The following SNTG1 variants were observed in gnomAD, a reference collection of about 807,000 sequenced individuals.
The protein encoded by SNTG1 is syntrophin gamma 1, also known as gamma-1-syntrophin.
SNTG1 carries 39 observed loss-of-function variants against 74.7 expected under a neutral mutation model. That is an observed-to-expected ratio of 0.52 (90% CI 0.40 to 0.68). The LOEUF (loss-of-function observed/expected upper bound fraction) is 0.68, where lower values mean the gene tolerates loss of function less well. Among genes scored for constraint, SNTG1 ranks in the 30% least tolerant of loss-of-function variants. SNTG1 has a pLI of 0.00. For missense variants in SNTG1, 685 were observed against 609.5 expected (o/e 1.12, Z -1.30); for synonymous variants, 254 against 217.1 (o/e 1.17, Z -1.49).
intron 12 of SNTG1, 120 bp from the exon 13 acceptor site, chr8:50,590,759 C>A: frequency 1.8e-6 from 1 of 551,818 alleles, no homozygotes; most frequent in Non-Finnish European, 3.1e-6. Context: ...ATGATTTCAG[C>A]ATATCAAAAT....
intron 17 of SNTG1, among the ~76,000 whole-genome samples, chr8:50,739,354 C>A (rs1213045103): frequency 1.3e-5 from 2 of 151,974 alleles, no homozygotes; most frequent in East Asian, 3.9e-4. Flanking sequence ...AGATCAAAAC[C>A]ACAATGAGAC....
intron 1 of SNTG1, among the ~76,000 whole-genome samples, chr8:50,168,893 A>T (rs955468096): frequency 6.6e-6 from 1 of 152,212 alleles, no homozygotes; most frequent in Non-Finnish European, 1.5e-5. Flanking sequence ...GATTATGAAA[A>T]GCAGGAAACT....
intron 1 of SNTG1, among the ~76,000 whole-genome samples, chr8:50,029,852 G>A (rs1301257562): frequency 6.6e-6 from 1 of 151,826 alleles, no homozygotes; most frequent in East Asian, 1.9e-4. Flanking sequence ...TTTTTCTTTT[G>A]TGTATATACC....
At chr8:50,687,432 A>G (rs1020704032) in intron 15 of SNTG1, among the ~76,000 whole-genome samples, 3 of 152,232 alleles carry the variant, frequency 2.0e-5, no homozygotes, top group Non-Finnish European at 4.4e-5. Flanking sequence ...CACATGGAAG[A>G]AATCGAAAAA....
intron 2 of SNTG1, among the ~76,000 whole-genome samples, chr8:50,251,402 G>A (rs1330320416): frequency 1.3e-5 from 2 of 151,890 alleles, no homozygotes; most frequent in African/African-American, 2.4e-5. Context: ...ATGAATGTAA[G>A]TGGATTAAAT....
At chr8:50,228,142 A>G (rs1018532461) in intron 2 of SNTG1, among the ~76,000 whole-genome samples, 1 of 151,978 alleles carries the variant, frequency 6.6e-6, no homozygotes, top group Admixed American at 6.6e-5. Context: ...TTAAAAGAAA[A>G]TGTAAGAATC....
At chr8:50,438,250 T>A (rs2093324735) in intron 4 of SNTG1, among the ~76,000 whole-genome samples, 1 of 152,184 alleles carries the variant, frequency 6.6e-6, no homozygotes, top group Non-Finnish European at 1.5e-5. Context: ...AGAAGAGGTA[T>A]AAAAGTTAAG....
chr8:50,210,015 G>A (rs946826874), intron 2 of SNTG1, among the ~76,000 whole-genome samples: 35 of 152,156 alleles, frequency 2.3e-4, no homozygotes, highest in African/African-American at 8.2e-4. Flanking sequence ...AGAATAAACA[G>A]TGTAGAGAAG....
At chr8:50,753,112 T>C (rs1180316606) in intron 18 of SNTG1, among the ~76,000 whole-genome samples, 1 of 151,996 alleles carries the variant, frequency 6.6e-6, no homozygotes, top group Non-Finnish European at 1.5e-5. Flanking sequence ...TGCTAACTTC[T>C]TCCACTCCCT....
At chr8:50,352,628 T>C (rs558190771) in intron 2 of SNTG1, among the ~76,000 whole-genome samples, 2 of 151,986 alleles carry the variant, frequency 1.3e-5, no homozygotes, top group Non-Finnish European at 2.9e-5. Flanking sequence ...TGACCTCAGG[T>C]GATCCACCCG....
chr8:50,162,559 CAAAAA>C (rs34746562), intron 1 of SNTG1, among the ~76,000 whole-genome samples: 1 of 83,962 alleles, frequency 1.2e-5, no homozygotes, highest in East Asian at 4.2e-4. Context: ...GACTCTGTCT[CAAAAA>C]AAAAAAAAAA....
chr8:50,670,171 A>C (rs1029852969), intron 15 of SNTG1, among the ~76,000 whole-genome samples: 2 of 152,174 alleles, frequency 1.3e-5, no homozygotes, highest in Non-Finnish European at 2.9e-5. Flanking sequence ...TATTCAACAT[A>C]GTGTTGGAAG....
At chr8:50,509,708 C>T (rs2094047408) in intron 9 of SNTG1, among the ~76,000 whole-genome samples, 1 of 152,042 alleles carries the variant, frequency 6.6e-6, no homozygotes, top group Admixed American at 6.6e-5. Flanking sequence ...TATGATTTGG[C>T]TCTCTGTTTG....
chr8:50,492,359 A>G (rs2093864746), intron 8 of SNTG1, among the ~76,000 whole-genome samples: 1 of 152,194 alleles, frequency 6.6e-6, no homozygotes, highest in African/African-American at 2.4e-5. Context: ...CCAACAGTGT[A>G]AAAGCAAGCG....
intron 17 of SNTG1, among the ~76,000 whole-genome samples, chr8:50,747,342 G>A (rs1034082464): frequency 1.3e-5 from 2 of 151,874 alleles, no homozygotes; most frequent in Non-Finnish European, 2.9e-5. Flanking sequence ...TCAGACCATG[G>A]ACTTAAACTT....
chr8:50,137,492 G>T (rs181099938), intron 1 of SNTG1, among the ~76,000 whole-genome samples: 1 of 152,196 alleles, frequency 6.6e-6, no homozygotes, highest in African/African-American at 2.4e-5. Context: ...TTTGCTTGAA[G>T]AGTTTATCTT....
intron 3 of SNTG1, among the ~76,000 whole-genome samples, chr8:50,400,815 T>C (rs557778166): frequency 0.032 from 4,881 of 152,108 alleles, 251 homozygotes; most frequent in African/African-American, 0.11. Flanking sequence ...AGGGTCAGAA[T>C]CGGGAGATGT....
intron 5 of SNTG1, among the ~76,000 whole-genome samples, chr8:50,441,529 C>T (rs1002589286): frequency 1.3e-5 from 2 of 151,940 alleles, no homozygotes; most frequent in African/African-American, 2.4e-5. Context: ...CCTGAAATCC[C>T]AAAGAATAAG....
intron 2 of SNTG1, among the ~76,000 whole-genome samples, chr8:50,307,341 T>G (rs925043507): frequency 4.6e-5 from 7 of 152,182 alleles, no homozygotes; most frequent in Non-Finnish European, 8.8e-5. Context: ...TAAGCACTGT[T>G]CAACACAATT....
Sources: allele counts gnomAD v4.1 joint callset (sites outside exome capture counted in the v4.1 genomes callset), GRCh38; gene constraint gnomAD v4.1.1; transcripts MANE v1.5; gene names NCBI Gene and HGNC (gene_info 2026-07-23, HGNC 2026-07-21).